The following EYS variants were observed in gnomAD, a reference collection of about 807,000 sequenced individuals.
EYS encodes the protein EGF-like photoreceptor maintenance factor, also known as protein eyes shut homolog.
A neutral mutation model predicts 282.1 loss-of-function variants in EYS; 250 were observed. The observed-to-expected ratio is 0.89, with a 90% CI of 0.80 to 0.98. The LOEUF is 0.98. Ranked by LOEUF, EYS falls within the 50% of genes least tolerant of loss-of-function variation. The pLI is 0.00. For synonymous variants in EYS, 1,355 were observed against 1,282.9 expected (o/e 1.06, Z -1.20); for missense variants, 4,016 against 3,709.0 (o/e 1.08, Z -2.15).
Position 65,624,771 on chromosome 6 carries a change from C to T in EYS, c.-333+15007G>A, listed in dbSNP as rs145192327. On this transcript the variant is annotated intron_variant, in intron 2 of 42. Transcript: ENST00000503581. ...AACTGCAAGTTCTTCAGCTTTGGAC[C>T]TTTTGGACTTACACTACTGTATGTC... 2.6e-3 allele frequency among the ~76,000 whole-genome samples: 401 copies of T among 152,212 alleles called. 1 individual carries two copies. Among genetic ancestry groups the T allele is most frequent in the African/African-American group, 8.9e-3 (370 of 41,536 alleles).
At chr6:64,274,020 G>C (rs1002048114) in intron 30 of EYS, among the ~76,000 whole-genome samples, 1 of 152,162 alleles carries the variant, frequency 6.6e-6, no homozygotes, top group Non-Finnish European at 1.5e-5. Context: ...TCCGGATCAC[G>C]TTTCTGCTTA....
intron 5 of EYS, among the ~76,000 whole-genome samples, chr6:65,432,994 G>A (rs368813442): frequency 6.6e-6 from 1 of 152,100 alleles, no homozygotes; most frequent in Non-Finnish European, 1.5e-5. Context: ...AGGAATGGGA[G>A]GGGGTGGATA....
At chr6:64,197,437 G>A (rs1314323509) in intron 31 of EYS, among the ~76,000 whole-genome samples, 5 of 152,164 alleles carry the variant, frequency 3.3e-5, no homozygotes, top group Non-Finnish European at 1.5e-5. Flanking sequence ...AGAAGCTCAA[G>A]TTCACTAGTG....
In EYS at chr6:65,008,372, C is replaced by T. The variant is rs149723104; in HGVS notation, c.2138-10669G>A. Among the ~76,000 whole-genome samples the T allele has an allele frequency of 6.9e-4, 105 of 151,974 alleles. No homozygotes were observed. In the East Asian group the frequency reaches 0.015, roughly 21 times the overall value. ...AAACTTCAAAAGTCTGCCATAGGCC[C>T]GGAGCAAAACTTAGAAACCCTATTG... On this transcript the variant is annotated intron_variant, in intron 13 of 42. Coordinates refer to ENST00000503581, the MANE Select transcript of EYS (RefSeq NM_001142800.2).
intron 1 of EYS, among the ~76,000 whole-genome samples, chr6:65,669,959 T>G (rs1203096555): frequency 6.6e-6 from 1 of 151,866 alleles, no homozygotes; most frequent in Non-Finnish European, 1.5e-5. Context: ...ATATAGTTAG[T>G]CCTAATAAAA....
chr6:64,862,896 T>C (rs1766295194), intron 19 of EYS, among the ~76,000 whole-genome samples: 2 of 152,266 alleles, frequency 1.3e-5, no homozygotes, highest in South Asian at 4.1e-4. Flanking sequence ...AGTTTCCTTA[T>C]CATTGATTTC....
intron 2 of EYS, among the ~76,000 whole-genome samples, chr6:65,527,435 T>A (rs1355928670): frequency 1.3e-5 from 2 of 152,162 alleles, no homozygotes. Flanking sequence ...AGAACAGAAA[T>A]CCTTTCAGAG....
intron 12 of EYS, among the ~76,000 whole-genome samples, chr6:65,198,247 A>C (rs1188477361): frequency 6.6e-6 from 1 of 152,096 alleles, no homozygotes; most frequent in East Asian, 1.9e-4. Flanking sequence ...GGGCAGTAAC[A>C]TGTATGGAGT....
At chr6:64,234,243 T>C (rs1326895277) in intron 30 of EYS, among the ~76,000 whole-genome samples, 1 of 147,392 alleles carries the variant, frequency 6.8e-6, no homozygotes, top group Non-Finnish European at 1.5e-5. Flanking sequence ...ATATATCTCA[T>C]GTAAAGAAAA....
intron 12 of EYS, among the ~76,000 whole-genome samples, chr6:65,229,457 A>G (rs1766713184): frequency 6.6e-6 from 1 of 151,904 alleles, no homozygotes; most frequent in Admixed American, 6.6e-5. Context: ...TCTTAGGACC[A>G]AATTGGTGGA....
intron 22 of EYS, among the ~76,000 whole-genome samples, chr6:64,701,727 G>T (rs769546601): frequency 6.6e-6 from 1 of 151,870 alleles, no homozygotes; most frequent in African/African-American, 2.4e-5. Context: ...GAGAAATTAC[G>T]TAATAGGTAC....
intron 36 of EYS, among the ~76,000 whole-genome samples, chr6:63,856,015 G>GTT (rs35464160): frequency 0.015 from 2,079 of 138,320 alleles, 23 homozygotes; most frequent in Middle Eastern, 0.022. Flanking sequence ...TTTCAGTGAA[G>GTT]TTTTTTTTTT....
chr6:65,501,415 A>G (rs1766445376), intron 2 of EYS, among the ~76,000 whole-genome samples: 1 of 151,946 alleles, frequency 6.6e-6, no homozygotes, highest in Non-Finnish European at 1.5e-5. Flanking sequence ...TAACAGAGAT[A>G]ATATATTTTT....
chr6:64,289,829 G>T (rs1251606310), intron 30 of EYS, among the ~76,000 whole-genome samples: 4 of 152,048 alleles, frequency 2.6e-5, no homozygotes, highest in Non-Finnish European at 5.9e-5. Context: ...GGGCTGAATA[G>T]TATGGTACTC....
intron 2 of EYS, among the ~76,000 whole-genome samples, chr6:65,611,433 T>C (rs1420230209): frequency 6.6e-6 from 1 of 152,000 alleles, no homozygotes; most frequent in East Asian, 1.9e-4. Flanking sequence ...GAAAGACTAT[T>C]TCTTGTTTTC....
At chr6:65,259,758 C>A (rs1192316707) in intron 12 of EYS, among the ~76,000 whole-genome samples, 1 of 151,938 alleles carries the variant, frequency 6.6e-6, no homozygotes, top group Admixed American at 6.6e-5. Flanking sequence ...CTATCTGATA[C>A]TAGTGGGAAT....
intron 19 of EYS, among the ~76,000 whole-genome samples, chr6:64,844,968 C>G (rs923561404): frequency 6.6e-6 from 1 of 152,100 alleles, no homozygotes. Flanking sequence ...TGCAACTCAG[C>G]ATTGTAAATT....
intron 28 of EYS, among the ~76,000 whole-genome samples, chr6:64,425,316 T>C (rs544482549): frequency 6.8e-4 from 103 of 152,120 alleles, no homozygotes; most frequent in African/African-American, 2.3e-3. Flanking sequence ...GTGGCTACAA[T>C]GTTGAGAAGC....
intron 19 of EYS, among the ~76,000 whole-genome samples, chr6:64,850,954 G>T (rs1209049642): frequency 6.6e-6 from 1 of 152,002 alleles, no homozygotes; most frequent in Admixed American, 6.6e-5. Context: ...ATTCCTAGTT[G>T]GCATATGTTG....
Sources: gnomAD v4.1 joint callset for allele counts (sites outside exome capture counted in the v4.1 genomes callset) on GRCh38, gnomAD v4.1.1 for gene constraint, MANE v1.5 for transcripts, NCBI Gene and HGNC (gene_info 2026-07-23, HGNC 2026-07-21) for gene names.